The following HS6ST3 variants were observed in gnomAD, a reference collection of about 807,000 sequenced individuals.
HS6ST3 encodes heparan-sulfate 6-O-sulfotransferase 3.
In HS6ST3, 12 loss-of-function variants were observed where a neutral mutation model predicts 36.7. The ratio of observed to expected loss-of-function variants is 0.33; its 90% CI spans 0.21 to 0.53. The LOEUF (loss-of-function observed/expected upper bound fraction) is 0.53, where lower values mean the gene tolerates loss of function less well. HS6ST3 is among the 20% of genes least tolerant of loss of function. The pLI is 0.95. For missense variants in HS6ST3, 584 were observed against 640.9 expected (o/e 0.91, Z 0.96); for synonymous variants, 240 against 257.5 (o/e 0.93, Z 0.65).
rs963459539 is a variant in HS6ST3, at chr13:96,834,286, G to C, written c.*1088G>C. ...CTAAATGAATAAAAACTCGGAATTA[G>C]GCCAGGAGACATGGAATACCATTCA... On this transcript the variant is annotated 3_prime_UTR_variant, in exon 2 of 2. Transcript: ENST00000376705. 1.3e-5 allele frequency: 2 copies of C among 152,140 alleles called. No individual in the cohort carries two copies. The highest frequency in any genetic ancestry group is 2.9e-5 in the Non-Finnish European group (2 of 68,028). 9.4% of individuals were successfully genotyped at this position (152,140 alleles called of 1,614,324 possible). A position where few individuals can be genotyped will look rare whatever the true frequency, so the allele number is the denominator to read the frequency against.
rs116012072 is a variant in HS6ST3, at chr13:96,281,679, G to A, written c.707+190110G>A. 9.7e-3 allele frequency among the ~76,000 whole-genome samples: 1,479 copies of A among 152,198 alleles called. 25 individuals are homozygous for A. The highest frequency in any genetic ancestry group is 0.034 in the African/African-American group (1,419 of 41,542). On this transcript the variant is annotated intron_variant, in intron 1 of 1. Transcript: ENST00000376705. ...TTTTTGCACTGGGACTTGAATTATC[G>A]TTCTGGTTCTAGTACTAATTTGTTC...
chr13:96,130,973 T>A lies in HS6ST3; in HGVS notation c.707+39404T>A, dbSNP rs79335439. ...TGCTGGCCCTGCAGCCCTGCTCAGCTACCTGCATTCTTAACGCTGTTCCCT... is the reference window on the plus strand; with the variant it reads ...TGCTGGCCCTGCAGCCCTGCTCAGCAACCTGCATTCTTAACGCTGTTCCCT... On this transcript the variant is annotated intron_variant, in intron 1 of 1. Coordinates refer to ENST00000376705, the MANE Select transcript of HS6ST3 (RefSeq NM_153456.4). 2.3e-3 allele frequency among the ~76,000 whole-genome samples: 348 copies of A among 152,278 alleles called. 4 individuals carry two copies. Among genetic ancestry groups the A allele is most frequent in the Middle Eastern group, 3.4e-3 (1 of 294 alleles).
At chr13:96,307,917 A>C (rs117663066) in intron 1 of HS6ST3, among the ~76,000 whole-genome samples, 1 of 152,056 alleles carries the variant, frequency 6.6e-6, no homozygotes, top group Non-Finnish European at 1.5e-5. Flanking sequence ...TTTTTGCATA[A>C]TTGCTGCTTT....
intron 1 of HS6ST3, among the ~76,000 whole-genome samples, chr13:96,181,855 CT>C (rs1402902808): frequency 1.3e-5 from 2 of 152,024 alleles, no homozygotes; most frequent in South Asian, 2.1e-4. Flanking sequence ...TGCAATTTAT[CT>C]TTTTTTTCTC....
chr13:96,536,407 G>A (rs1444141904), intron 1 of HS6ST3, among the ~76,000 whole-genome samples: 1 of 152,184 alleles, frequency 6.6e-6, no homozygotes, highest in Admixed American at 6.5e-5. Context: ...AGCTCCCGCT[G>A]TTACACTTAT....
intron 1 of HS6ST3, among the ~76,000 whole-genome samples, chr13:96,215,256 G>A (rs569793694): frequency 5.9e-5 from 9 of 152,298 alleles, no homozygotes; most frequent in Admixed American, 2.0e-4. Flanking sequence ...CCCTCCTTGC[G>A]ATGTGTCATG....
intron 1 of HS6ST3, among the ~76,000 whole-genome samples, chr13:96,562,887 C>T (rs1435160996): frequency 6.6e-6 from 1 of 151,762 alleles, no homozygotes; most frequent in Non-Finnish European, 1.5e-5. Context: ...TTGTGGCTCA[C>T]AGAAGGTCAG....
intron 1 of HS6ST3, among the ~76,000 whole-genome samples, chr13:96,564,014 T>G (rs1202479691): frequency 1.3e-5 from 2 of 152,212 alleles, no homozygotes. Context: ...ATGATAATGA[T>G]ACATACCTAC....
chr13:96,674,621 A>G (rs1026804917), intron 1 of HS6ST3, among the ~76,000 whole-genome samples: 3 of 151,752 alleles, frequency 2.0e-5, no homozygotes, highest in East Asian at 2.0e-4. Context: ...CCTCACATGG[A>G]CTCGTTGTTG....
chr13:96,128,739 C>A (rs1470568163), intron 1 of HS6ST3, among the ~76,000 whole-genome samples: 2 of 152,148 alleles, frequency 1.3e-5, no homozygotes, highest in East Asian at 3.9e-4. Flanking sequence ...AGACACCTTC[C>A]CTTCTTTGTT....
intron 1 of HS6ST3, among the ~76,000 whole-genome samples, chr13:96,663,205 G>A (rs1202892948): frequency 1.3e-5 from 2 of 152,162 alleles, no homozygotes; most frequent in South Asian, 4.1e-4. Context: ...CCCTGGACAG[G>A]TGGGGATGTG....
intron 1 of HS6ST3, among the ~76,000 whole-genome samples, chr13:96,700,043 T>C (rs985720462): frequency 2.0e-5 from 3 of 152,216 alleles, no homozygotes; most frequent in Non-Finnish European, 4.4e-5. Context: ...AATGAATTTA[T>C]TGACAGTCTG....
chr13:96,799,834 C>T (rs1220636340), intron 1 of HS6ST3, among the ~76,000 whole-genome samples: 1 of 150,210 alleles, frequency 6.7e-6, no homozygotes, highest in Non-Finnish European at 1.5e-5. Context: ...TGGTCTTCAT[C>T]CCAGTTATAA....
At chr13:96,352,859 C>G (rs2055190459) in intron 1 of HS6ST3, among the ~76,000 whole-genome samples, 1 of 152,066 alleles carries the variant, frequency 6.6e-6, no homozygotes, top group Non-Finnish European at 1.5e-5. Flanking sequence ...CCTGACACCT[C>G]TGTGAAGTAG....
At chr13:96,522,798 G>A (rs1370968190) in intron 1 of HS6ST3, among the ~76,000 whole-genome samples, 1 of 151,968 alleles carries the variant, frequency 6.6e-6, no homozygotes, top group East Asian at 1.9e-4. Flanking sequence ...CACACCAATG[G>A]GTCTTGACTC....
chr13:96,262,028 C>CAGTGAG (rs1306569291), intron 1 of HS6ST3, among the ~76,000 whole-genome samples: 7 of 152,072 alleles, frequency 4.6e-5, no homozygotes, highest in Admixed American at 4.6e-4. Context: ...ATTACCATGA[C>CAGTGAG]AGTGAGATGA....
intron 1 of HS6ST3, among the ~76,000 whole-genome samples, chr13:96,713,399 A>G (rs890740796): frequency 1.3e-5 from 2 of 152,198 alleles, no homozygotes; most frequent in African/African-American, 4.8e-5. Context: ...ATATGACTGT[A>G]AATATAGATT....
chr13:96,576,349 C>T (rs1021327241), intron 1 of HS6ST3, among the ~76,000 whole-genome samples: 1 of 152,114 alleles, frequency 6.6e-6, no homozygotes, highest in Non-Finnish European at 1.5e-5. Context: ...TTTATGACTT[C>T]CTGCTGCTGA....
At chr13:96,476,059 C>T (rs2055862680) in intron 1 of HS6ST3, among the ~76,000 whole-genome samples, 1 of 152,142 alleles carries the variant, frequency 6.6e-6, no homozygotes, top group Non-Finnish European at 1.5e-5. Context: ...AAGAGAACAA[C>T]AATAACCTGA....
Sources: gnomAD v4.1 joint callset for allele counts (sites outside exome capture counted in the v4.1 genomes callset) on GRCh38, gnomAD v4.1.1 for gene constraint, MANE v1.5 for transcripts, NCBI Gene and HGNC (gene_info 2026-07-23, HGNC 2026-07-21) for gene names.